The following ZBTB46 variants were observed in gnomAD, a reference collection of about 807,000 sequenced individuals.
ZBTB46 encodes zinc finger and BTB domain-containing protein 46.
In ZBTB46, 8 loss-of-function variants were observed where a neutral mutation model predicts 44.1. The observed-to-expected ratio is 0.18, with a 90% CI of 0.11 to 0.33. The LOEUF (loss-of-function observed/expected upper bound fraction) is 0.33. Ranked by LOEUF, ZBTB46 falls within the 10% of genes least tolerant of loss-of-function variation. The pLI is 1.00. For missense variants in ZBTB46, 651 were observed against 847.7 expected (o/e 0.77, Z 2.88); for synonymous variants, 409 against 382.3 (o/e 1.07, Z -0.81).
Position 63,790,409 on chromosome 20 carries a change from T to C in ZBTB46, c.349A>G (p.Ile117Val), listed in dbSNP as rs968707861. Residue 117 changes from isoleucine (I) to valine (V), a missense_variant, in exon 2 of 5, where the codon ATC (isoleucine) becomes GTC (valine). Ile to Val is a conservative substitution (Grantham distance 29). Transcript: ENST00000245663. Reference sequence around the variant, plus strand: ...ATGAAGTCGTGGCAGGCTTGCACGATGTCCGTCATCTGCAGGAAGCTGGCG... The same window carrying C: ...ATGAAGTCGTGGCAGGCTTGCACGACGTCCGTCATCTGCAGGAAGCTGGCG... ...SAASFLQMTD[I>V]VQACHDFIKA... The C allele has an allele frequency of 1.2e-6, 2 of 1,613,074 alleles. No homozygotes were observed. The highest frequency in any genetic ancestry group is 2.2e-5 in the East Asian group (1 of 44,880).
intron 1 of ZBTB46, chr20:63,791,019 G>T (rs946376289): frequency 4.0e-6 from 2 of 500,292 alleles, no homozygotes; most frequent in South Asian, 6.2e-5. Flanking sequence ...TCTGCCACGT[G>T]TTTCCGTGCT....
At chr20:63,779,515 G>T in intron 2 of ZBTB46, among the ~76,000 whole-genome samples, 1 of 147,232 alleles carries the variant, frequency 6.8e-6, no homozygotes, top group Admixed American at 6.9e-5. Flanking sequence ...CGCCTCCCAG[G>T]TTCACGCCAT....
At chr20:63,801,642 C>T (rs548501964) in intron 1 of ZBTB46, among the ~76,000 whole-genome samples, 1 of 152,314 alleles carries the variant, frequency 6.6e-6, no homozygotes. Flanking sequence ...AGGTCTGCAG[C>T]TTCACTCCTG....
chr20:63,764,847 C>T (rs901790804), intron 3 of ZBTB46, among the ~76,000 whole-genome samples: 3 of 152,082 alleles, frequency 2.0e-5, no homozygotes, highest in African/African-American at 7.2e-5. Context: ...GATCTGCCCA[C>T]CTCGGCCTCC....
chr20:63,788,772 G>C (rs1017307442), intron 2 of ZBTB46, among the ~76,000 whole-genome samples: 1 of 151,786 alleles, frequency 6.6e-6, no homozygotes, highest in Non-Finnish European at 1.5e-5. Context: ...CCGGGAGACA[G>C]AGGTTGCAGT....
chr20:63,771,572 T>C (rs2092373945), intron 3 of ZBTB46, among the ~76,000 whole-genome samples: 1 of 152,086 alleles, frequency 6.6e-6, no homozygotes, highest in African/African-American at 2.4e-5. Flanking sequence ...CGCCGTGAAC[T>C]CTGAGGCGCT....
chr20:63,810,009 C>G (rs1460873647), intron 1 of ZBTB46, among the ~76,000 whole-genome samples: 1 of 151,564 alleles, frequency 6.6e-6, no homozygotes, highest in South Asian at 2.1e-4. Flanking sequence ...AACTGGCAAA[C>G]ATTAACGTAA....
At chr20:63,791,380 C>T (rs1009436709) in intron 1 of ZBTB46, among the ~76,000 whole-genome samples, 2 of 151,152 alleles carry the variant, frequency 1.3e-5, no homozygotes, top group Admixed American at 1.3e-4. Context: ...CCTGTAGTCC[C>T]AGCTATTCAG....
chr20:63,808,731 T>C (rs1400668111), intron 1 of ZBTB46, among the ~76,000 whole-genome samples: 2 of 151,748 alleles, frequency 1.3e-5, no homozygotes, highest in Non-Finnish European at 2.9e-5. Context: ...TCCCAGCACT[T>C]TGGGAGGCCG....
At chr20:63,758,537 G>A (rs1601404230) in intron 3 of ZBTB46, among the ~76,000 whole-genome samples, 1 of 111,934 alleles carries the variant, frequency 8.9e-6, no homozygotes, top group Non-Finnish European at 1.8e-5. Context: ...TTATTTCTGT[G>A]TCTGTGTCCT....
intron 2 of ZBTB46, among the ~76,000 whole-genome samples, chr20:63,783,243 C>CA (rs1265794146): frequency 6.6e-6 from 1 of 151,904 alleles, no homozygotes; most frequent in East Asian, 1.9e-4. Context: ...GCCTGGCCAA[C>CA]ATGGCAAAAC....
chr20:63,779,824 T>C (rs1014971888), intron 2 of ZBTB46, among the ~76,000 whole-genome samples: 1 of 152,010 alleles, frequency 6.6e-6, no homozygotes, highest in Non-Finnish European at 1.5e-5. Flanking sequence ...ACTCCCAAAG[T>C]GCTGGGATTA....
chr20:63,776,744 CA>C (rs1476347393), intron 2 of ZBTB46, among the ~76,000 whole-genome samples: 1 of 148,946 alleles, frequency 6.7e-6, no homozygotes, highest in Non-Finnish European at 1.5e-5. Context: ...GTGGAGGTTG[CA>C]ATGAGCCGAG....
At chr20:63,768,544 T>G (rs1401992158) in intron 3 of ZBTB46, among the ~76,000 whole-genome samples, 1 of 151,866 alleles carries the variant, frequency 6.6e-6, no homozygotes, top group East Asian at 1.9e-4. Context: ...AAGGTGGAGG[T>G]TGCAGTGAGC....
In ZBTB46 at chr20:63,748,086, TCAGCCC is replaced by T. The variant is rs1188291787; in HGVS notation, c.1399-791_1399-786del. ...CCTGACCCCCTCAGTCCCTGACCCC[TCAGCCC>T]GACCCTGACTCCAGGAACGTGTAAA... On this transcript the variant is annotated intron_variant, in intron 4 of 4. Transcript: ENST00000245663. Among the ~76,000 whole-genome samples, 792 of 146,420 alleles carry T rather than the reference TCAGCCC, an allele frequency of 5.4e-3. 6 individuals carry two copies. The highest frequency in any genetic ancestry group is 0.018 in the African/African-American group (746 of 41,350).
chr20:63,811,376 C>T (rs912469605), intron 1 of ZBTB46, among the ~76,000 whole-genome samples: 1 of 152,224 alleles, frequency 6.6e-6, no homozygotes, highest in African/African-American at 2.4e-5. Flanking sequence ...CCCCACCCCA[C>T]CTCTCATACA....
intron 1 of ZBTB46, among the ~76,000 whole-genome samples, chr20:63,827,218 A>G (rs2092824119): frequency 6.6e-6 from 1 of 152,218 alleles, no homozygotes; most frequent in Admixed American, 6.5e-5. Context: ...CCTGGCCCAA[A>G]GTCTGGTCCA....
At chr20:63,749,164 C>A (rs2092134346) in intron 4 of ZBTB46, among the ~76,000 whole-genome samples, 1 of 152,192 alleles carries the variant, frequency 6.6e-6, no homozygotes, top group South Asian at 2.1e-4. Context: ...TAAGCCTGGA[C>A]CGGGATGGGC....
chr20:63,798,685 A>AAAAAAAAAAAAAC (rs1417351365), intron 1 of ZBTB46, among the ~76,000 whole-genome samples: 1 of 127,888 alleles, frequency 7.8e-6, no homozygotes, highest in African/African-American at 3.2e-5. Flanking sequence ...AAAAAAAAAA[A>AAAAAAAAAAAAAC]AAAAAAAATT....
Sources: allele counts gnomAD v4.1 joint callset (sites outside exome capture counted in the v4.1 genomes callset), GRCh38; gene constraint gnomAD v4.1.1; transcripts MANE v1.5; gene names NCBI Gene and HGNC (gene_info 2026-07-23, HGNC 2026-07-21).